Variants in MAP3K1 observed in about 807,000 individuals in gnomAD.
MAP3K1 encodes mitogen-activated protein kinase kinase kinase 1.
MAP3K1 carries 36 observed loss-of-function variants against 144.2 expected under a neutral mutation model. The ratio of observed to expected loss-of-function variants is 0.25; its 90% CI spans 0.19 to 0.33. The LOEUF (loss-of-function observed/expected upper bound fraction) is 0.33, where lower values mean the gene tolerates loss of function less well. MAP3K1 is among the 10% of genes least tolerant of loss of function. MAP3K1 has a pLI of 1.00. For missense variants in MAP3K1, 1,650 were observed against 1,881.9 expected (o/e 0.88, Z 2.28); for synonymous variants, 718 against 688.7 (o/e 1.04, Z -0.67).
intron 19 of MAP3K1, among the ~76,000 whole-genome samples, chr5:56,890,663 A>G (rs546892280): frequency 3.5e-4 from 53 of 152,314 alleles, no homozygotes; most frequent in Middle Eastern, 3.4e-3. Context: ...AATTATCCAC[A>G]CTATACAGAA....
intron 1 of MAP3K1, among the ~76,000 whole-genome samples, chr5:56,821,281 G>T (rs832555): frequency 1.3e-5 from 2 of 152,188 alleles, no homozygotes; most frequent in African/African-American, 4.8e-5. Context: ...ATCGAGATGT[G>T]GAGATGTTGT....
At chr5:56,852,333 G>A (rs1252135614) in intron 1 of MAP3K1, among the ~76,000 whole-genome samples, 4 of 152,114 alleles carry the variant, frequency 2.6e-5, no homozygotes, top group Non-Finnish European at 2.9e-5. Context: ...TATAAGGGGA[G>A]GACTGACTAC....
chr5:56,822,955 G>A (rs1396400550), intron 1 of MAP3K1, among the ~76,000 whole-genome samples: 1 of 152,044 alleles, frequency 6.6e-6, no homozygotes, highest in Non-Finnish European at 1.5e-5. Context: ...CCCTAGCCAG[G>A]TGCCCATTGT....
At chr5:56,832,542 A>AG (rs1252074247) in intron 1 of MAP3K1, among the ~76,000 whole-genome samples, 1 of 152,190 alleles carries the variant, frequency 6.6e-6, no homozygotes, top group African/African-American at 2.4e-5. Flanking sequence ...AGACTGTGAG[A>AG]GGTGAGGTAT....
chr5:56,839,148 T>C (rs912524141), intron 1 of MAP3K1, among the ~76,000 whole-genome samples: 10 of 152,222 alleles, frequency 6.6e-5, no homozygotes, highest in African/African-American at 2.4e-4. Context: ...GTGCTCTTTT[T>C]GTAGTTCCTA....
chr5:56,858,084 T>C (rs1747393312), intron 2 of MAP3K1, among the ~76,000 whole-genome samples: 1 of 152,164 alleles, frequency 6.6e-6, no homozygotes, highest in South Asian at 2.1e-4. Flanking sequence ...GGATTTATCT[T>C]AGAGAAGAGA....
At chr5:56,870,064 CTG>C (rs1403912123) in intron 6 of MAP3K1, among the ~76,000 whole-genome samples, 3 of 152,210 alleles carry the variant, frequency 2.0e-5, no homozygotes, top group East Asian at 1.9e-4. Context: ...TTACTCAGAT[CTG>C]TTTTTCAGGG....
rs773915109 is a variant in MAP3K1 at position 56,886,041 on chromosome 5, A to G, written c.4092A>G (p.Gln1364=). The change falls in exon 17 of 20, where the codon CAA becomes CAG. Residue 1364 remains glutamine (Q), a synonymous_variant. Transcript: ENST00000399503. ...LRGLSYLHEN[Q]IIHRDVKGAN... ...GCCTTTCGTATCTCCATGAAAACCA[A>G]ATCATTCACAGAGATGTCAAAGGTG... 7.4e-6 allele frequency: 12 copies of G among 1,612,076 alleles called. No homozygotes were observed. The highest frequency in any genetic ancestry group is 6.7e-5 in the African/African-American group (5 of 74,886).
intron 1 of MAP3K1, among the ~76,000 whole-genome samples, chr5:56,822,142 C>T (rs1746174513): frequency 6.6e-6 from 1 of 152,142 alleles, no homozygotes; most frequent in Non-Finnish European, 1.5e-5. Flanking sequence ...TGCCTAGCCT[C>T]CCGAGTAGCT....
intron 1 of MAP3K1, among the ~76,000 whole-genome samples, chr5:56,826,782 G>A (rs1018264047): frequency 6.6e-6 from 1 of 152,236 alleles, no homozygotes; most frequent in Admixed American, 6.5e-5. Flanking sequence ...GCATGCTAGA[G>A]CATGTGTCTT....
rs968801662 is a variant in MAP3K1 at position 56,893,793 on chromosome 5, C to T, written c.*113C>T. On this transcript the variant is annotated 3_prime_UTR_variant, in exon 20 of 20. Coordinates refer to ENST00000399503, the MANE Select transcript of MAP3K1 (RefSeq NM_005921.2). ...CATGATGCCACTGAACAGCTATGAA[C>T]GAGGCCAGTGGGGAACCCTTACCTA... The T allele has an allele frequency of 2.7e-5, 31 of 1,164,294 alleles. No individual in the cohort carries two copies. The highest frequency in any genetic ancestry group is 3.9e-5 in the Admixed American group (2 of 51,942). The allele number at this position is 1,164,294 out of a possible 1,614,324, so 72.1% of individuals were successfully genotyped here. A position where few individuals can be genotyped will look rare whatever the true frequency, so the allele number is the denominator to read the frequency against.
intron 1 of MAP3K1, among the ~76,000 whole-genome samples, chr5:56,824,441 G>A (rs1159672474): frequency 6.6e-6 from 1 of 152,222 alleles, no homozygotes; most frequent in Non-Finnish European, 1.5e-5. Flanking sequence ...GTTAGAAGGG[G>A]TGGCGGTGTG....
intron 1 of MAP3K1, among the ~76,000 whole-genome samples, chr5:56,827,696 T>C (rs966374302): frequency 1.4e-4 from 21 of 152,102 alleles, no homozygotes; most frequent in Non-Finnish European, 2.9e-4. Context: ...AAACCCCGTC[T>C]CTACTAAAAA....
intron 1 of MAP3K1, among the ~76,000 whole-genome samples, chr5:56,853,902 G>A (rs1425746062): frequency 6.6e-6 from 1 of 151,990 alleles, no homozygotes; most frequent in East Asian, 1.9e-4. Flanking sequence ...AAGCCCGGGG[G>A]GAACCACTAG....
intron 1 of MAP3K1, among the ~76,000 whole-genome samples, chr5:56,832,428 C>T (rs1270829683): frequency 6.6e-6 from 1 of 152,198 alleles, no homozygotes. Flanking sequence ...TAATAGTTAA[C>T]TTCCTCTGTG....
chr5:56,848,075 ATAG>A (rs1282881864), intron 1 of MAP3K1, among the ~76,000 whole-genome samples: 1 of 149,246 alleles, frequency 6.7e-6, no homozygotes, highest in Non-Finnish European at 1.5e-5. Context: ...CATGTACTTT[ATAG>A]ACTGAGTCAA....
Position 56,881,871 on chromosome 5 carries a change from A to C in MAP3K1, c.2671A>C (p.Asn891His). 6.2e-7 allele frequency: 1 copy of C among 1,614,154 alleles called. No homozygotes were observed. Among genetic ancestry groups the C allele is most frequent in the East Asian group, 2.2e-5 (1 of 44,874 alleles). ...QDSFLQASVP[N>H]NYLETTENSS... ...CAGCTTCTTGCAGGCATCTGTTCCCAACAACTATCTGGAAACCACAGAGAA... is the reference window on the plus strand; with the variant it reads ...CAGCTTCTTGCAGGCATCTGTTCCCCACAACTATCTGGAAACCACAGAGAA... The change falls in exon 14 of 20, where the codon AAC (asparagine) becomes CAC (histidine). Residue 891 changes from asparagine (N) to histidine (H), a missense_variant. By Grantham distance (68) the Asn-to-His change is moderately conservative. Around this residue, in one of 6 missense-constraint regions of MAP3K1, gnomAD observed 841 missense variants for 886.5 expected, o/e 0.95. Coordinates refer to ENST00000399503, the MANE Select transcript of MAP3K1 (RefSeq NM_005921.2).
chr5:56,815,766 G>C lies in MAP3K1; in HGVS notation c.193G>C (p.Val65Leu). The C allele has an allele frequency of 2.1e-6, 3 of 1,400,012 alleles. No homozygotes were observed. The highest frequency in any genetic ancestry group is 2.8e-6 in the Non-Finnish European group (3 of 1,073,074). 86.7% of individuals were successfully genotyped at this position (1,400,012 alleles called of 1,614,324 possible). A position where few individuals can be genotyped will look rare whatever the true frequency, so the allele number is the denominator to read the frequency against. The part of the protein sequence containing the change: ...ADWRRRQLRK[V>L]RSVELDQLPE... Reference sequence around the variant, plus strand: ...CTGGCGGCGGCGGCAGCTGCGCAAAGTGCGGAGTGTGGAGCTGGACCAGCT... The same window carrying C: ...CTGGCGGCGGCGGCAGCTGCGCAAACTGCGGAGTGTGGAGCTGGACCAGCT... The change falls in exon 1 of 20, where the codon GTG (valine) becomes CTG (leucine). Residue 65 changes from valine to leucine, a missense_variant. Val to Leu is a conservative substitution (Grantham distance 32, BLOSUM62 1). Around this residue, in one of 6 missense-constraint regions of MAP3K1, gnomAD observed 360 missense variants for 274.7 expected, o/e 1.31. Transcript: ENST00000399503.
At chr5:56,816,157 C>G in intron 1 of MAP3K1, 102 bp downstream of exon 1, 1 of 1,100,192 alleles carries the variant, frequency 9.1e-7, no homozygotes, top group Non-Finnish European at 1.1e-6. Context: ...TTCAGCGCAG[C>G]GAGGCTACGC....
Sources: allele counts gnomAD v4.1 joint callset (sites outside exome capture counted in the v4.1 genomes callset), GRCh38; gene constraint gnomAD v4.1.1; regional missense constraint gnomAD v4.1.1; transcripts MANE v1.5; gene names NCBI Gene and HGNC (gene_info 2026-07-23, HGNC 2026-07-21).